Variants in MOB3B observed in about 807,000 individuals in gnomAD.
The protein encoded by MOB3B is MOB kinase activator 3B, also known as MOB kinase activator-like 2B.
A neutral mutation model predicts 18.7 loss-of-function variants in MOB3B; 7 were observed. The ratio of observed to expected loss-of-function variants is 0.37; its 90% CI spans 0.21 to 0.70. The LOEUF (loss-of-function observed/expected upper bound fraction) is 0.70, where lower values mean the gene tolerates loss of function less well. MOB3B is among the 30% of genes least tolerant of loss of function. MOB3B has a pLI of 0.52. For synonymous variants in MOB3B, 111 were observed against 99.9 expected (o/e 1.11, Z -0.66); for missense variants, 253 against 281.3 (o/e 0.90, Z 0.72).
intron 1 of MOB3B, among the ~76,000 whole-genome samples, chr9:27,516,483 T>C (rs541276683): frequency 4.9e-4 from 75 of 152,214 alleles, no homozygotes; most frequent in African/African-American, 1.8e-3. Context: ...AAGAATCACA[T>C]CAACAGGAGG....
At chr9:27,445,368 G>A (rs1822674419) in intron 2 of MOB3B, among the ~76,000 whole-genome samples, 1 of 152,174 alleles carries the variant, frequency 6.6e-6, no homozygotes, top group African/African-American at 2.4e-5. Flanking sequence ...GCTTACGTAA[G>A]GAGAGGAGCA....
At position 27,338,263 on chromosome 9, in the gene MOB3B, C is replaced by G. The variant is rs113286044; in HGVS notation, c.622-7647G>C. Among the ~76,000 whole-genome samples the G allele has an allele frequency of 8.0e-4, 122 of 152,272 alleles. 2 individuals carry two copies. Among genetic ancestry groups the G allele is most frequent in the African/African-American group, 2.7e-3 (114 of 41,570 alleles). ...GGAGAGCCCTATTTCCTTGTTTCCT[C>G]CAGAGCACTCCAGTTCCTCTTTCCC... On this transcript the variant is annotated intron_variant, in intron 3 of 3. Coordinates refer to ENST00000262244, the MANE Select transcript of MOB3B (RefSeq NM_024761.5).
Position 27,328,309 on chromosome 9 carries a change from A to G in MOB3B, c.*2278T>C, listed in dbSNP as rs1820739919. On this transcript the variant is annotated 3_prime_UTR_variant, in exon 4 of 4. Coordinates refer to ENST00000262244, the MANE Select transcript of MOB3B (RefSeq NM_024761.5). Reference sequence around the variant, plus strand: ...AGAGATGAACAGTTAGATGCAGTCAAGCAGAGGAGATAAAAATTGACTGCA... The same window carrying G: ...AGAGATGAACAGTTAGATGCAGTCAGGCAGAGGAGATAAAAATTGACTGCA... 6.6e-6 allele frequency: 1 copy of G among 152,124 alleles called. No homozygotes were observed. Among genetic ancestry groups the G allele is most frequent in the African/African-American group, 2.4e-5 (1 of 41,426 alleles). 9.4% of individuals were successfully genotyped at this position (152,124 alleles called of 1,614,324 possible).
intron 2 of MOB3B, chr9:27,397,396 A>G (rs138276361): frequency 1.3e-3 from 202 of 152,332 alleles, no homozygotes; most frequent in African/African-American, 4.6e-3. Context: ...TAGAGTTAAT[A>G]CATAGAAAAC....
chr9:27,444,810 G>A (rs1822665959), intron 2 of MOB3B, among the ~76,000 whole-genome samples: 1 of 152,072 alleles, frequency 6.6e-6, no homozygotes, highest in Admixed American at 6.6e-5. Flanking sequence ...ACTGCTGTGA[G>A]GATTAGAAAA....
At chr9:27,495,576 A>T (rs1157203871) in intron 1 of MOB3B, among the ~76,000 whole-genome samples, 1 of 152,158 alleles carries the variant, frequency 6.6e-6, no homozygotes, top group Non-Finnish European at 1.5e-5. Context: ...GCTGAATTCA[A>T]TTCAGACACT....
intron 1 of MOB3B, among the ~76,000 whole-genome samples, chr9:27,501,138 A>T (rs562913965): frequency 1.6e-4 from 24 of 152,294 alleles, no homozygotes; most frequent in Admixed American, 1.4e-3. Flanking sequence ...TAGGAATGCT[A>T]TTACACTGTT....
intron 1 of MOB3B, among the ~76,000 whole-genome samples, chr9:27,461,186 C>T (rs1467211345): frequency 6.6e-6 from 1 of 152,210 alleles, no homozygotes; most frequent in Non-Finnish European, 1.5e-5. Flanking sequence ...CGTCCTCCCA[C>T]TTCCCAAATA....
At position 27,329,077 on chromosome 9, in the gene MOB3B, T is replaced by C. The variant is rs1263941976; in HGVS notation, c.*1510A>G. 6.6e-6 allele frequency: 1 copy of C among 152,218 alleles called. No individual in the cohort carries two copies. The highest frequency in any genetic ancestry group is 1.5e-5 in the Non-Finnish European group (1 of 68,040). 9.4% of individuals were successfully genotyped at this position (152,218 alleles called of 1,614,324 possible). A position where few individuals can be genotyped will look rare whatever the true frequency, so the allele number is the denominator to read the frequency against. On this transcript the variant is annotated 3_prime_UTR_variant, in exon 4 of 4. Transcript: ENST00000262244. ...ACAAAGATTTCATGATTCTAGTCTT[T>C]TGTGGCAGCCACAGAGGGCTTTAAC...
intron 2 of MOB3B, among the ~76,000 whole-genome samples, chr9:27,430,250 C>T (rs1160499878): frequency 1.3e-5 from 2 of 152,312 alleles, no homozygotes; most frequent in East Asian, 3.9e-4. Flanking sequence ...CCAGGCTTTT[C>T]TTTCCTGTGC....
intron 1 of MOB3B, among the ~76,000 whole-genome samples, chr9:27,511,457 C>T (rs1321472946): frequency 1.3e-5 from 2 of 152,160 alleles, no homozygotes; most frequent in African/African-American, 4.8e-5. Context: ...TCAATGCATG[C>T]TTCATGCCCA....
At chr9:27,342,108 C>G (rs999363847) in intron 3 of MOB3B, among the ~76,000 whole-genome samples, 2 of 152,198 alleles carry the variant, frequency 1.3e-5, no homozygotes, top group African/African-American at 2.4e-5. Flanking sequence ...TTCTGCACTT[C>G]CATGGCAGAG....
rs1350686980 is a variant in MOB3B at position 27,327,832 on chromosome 9, CTCT to C, written c.*2752_*2754del. On this transcript the variant is annotated 3_prime_UTR_variant, in exon 4 of 4. Transcript: ENST00000262244. ...AATATTGCAGATTTATAGGACAATGCTCTTATTAAAAGAAAGAATATGATGAAG... is the reference window on the plus strand; with the variant it reads ...AATATTGCAGATTTATAGGACAATGCTATTAAAAGAAAGAATATGATGAAG... 2 of 152,056 alleles carry C rather than the reference CTCT, an allele frequency of 1.3e-5. No individual in the cohort carries two copies. Among genetic ancestry groups the C allele is most frequent in the Non-Finnish European group, 2.9e-5 (2 of 68,000 alleles). The allele number at this position is 152,056 out of a possible 1,614,324, so 9.4% of individuals were successfully genotyped here. A position where few individuals can be genotyped will look rare whatever the true frequency, so the allele number is the denominator to read the frequency against.
intron 1 of MOB3B, among the ~76,000 whole-genome samples, chr9:27,489,517 AC>A (rs769063780): frequency 3.3e-5 from 5 of 152,164 alleles, no homozygotes; most frequent in Admixed American, 2.0e-4. Context: ...AATTTCTCTC[AC>A]TATGGAAAGA....
At chr9:27,513,256 A>AT (rs1271968862) in intron 1 of MOB3B, among the ~76,000 whole-genome samples, 3 of 152,024 alleles carry the variant, frequency 2.0e-5, no homozygotes, top group Non-Finnish European at 2.9e-5. Flanking sequence ...TACCAGTCTT[A>AT]TTTTTTCCAT....
intron 1 of MOB3B, among the ~76,000 whole-genome samples, chr9:27,527,428 T>C (rs1820452047): frequency 6.6e-6 from 1 of 152,214 alleles, no homozygotes; most frequent in Admixed American, 6.5e-5. Flanking sequence ...CAGAAATCAC[T>C]AGAGAAAGTG....
At position 27,330,413 on chromosome 9, in the gene MOB3B, A is replaced by C. The variant is rs974073805; in HGVS notation, c.*174T>G. The C allele has an allele frequency of 8.0e-6, 6 of 751,814 alleles. No homozygotes were observed. Among genetic ancestry groups the C allele is most frequent in the Non-Finnish European group, 1.3e-5 (6 of 470,932 alleles). 46.6% of individuals were successfully genotyped at this position (751,814 alleles called of 1,614,324 possible). A position where few individuals can be genotyped will look rare whatever the true frequency, so the allele number is the denominator to read the frequency against. ...CAGGTCTGGGCTAGCAGCACTCAGA[A>C]GGTTAAGAGCACACAAAGTGAGTGG... On this transcript the variant is annotated 3_prime_UTR_variant, in exon 4 of 4. Coordinates refer to ENST00000262244, the MANE Select transcript of MOB3B (RefSeq NM_024761.5).
intron 1 of MOB3B, among the ~76,000 whole-genome samples, chr9:27,465,659 G>T (rs940670953): frequency 1.3e-5 from 2 of 152,160 alleles, no homozygotes; most frequent in African/African-American, 4.8e-5. Context: ...GCAAACTTTT[G>T]CCTGGGTATC....
rs528539099 is a variant in MOB3B, at chr9:27,383,152, CT to C, written c.419-23917del. On this transcript the variant is annotated intron_variant, in intron 2 of 3. Transcript: ENST00000262244. The stretch of plus-strand genomic sequence containing the variant: ...CTCCCAGCCTACCCATGTTCACACC[CT>C]GCTTGCACATGATCACTTGGACAAA... Among the ~76,000 whole-genome samples, 1,271 of 152,212 alleles carry C rather than the reference CT, an allele frequency of 8.4e-3. 7 individuals are homozygous for C. The highest frequency in any genetic ancestry group is 0.013 in the Non-Finnish European group (902 of 68,008).
Sources: allele counts gnomAD v4.1 joint callset (sites outside exome capture counted in the v4.1 genomes callset), GRCh38; gene constraint gnomAD v4.1.1; transcripts MANE v1.5; gene names NCBI Gene and HGNC (gene_info 2026-07-23, HGNC 2026-07-21).